TBC1D12: variants seen among roughly 807,000 people sequenced by gnomAD.
The protein encoded by TBC1D12 is TBC1 domain family member 12.
Under a neutral mutation model 86.7 loss-of-function variants are expected in TBC1D12, and 56 were observed. The observed-to-expected ratio is 0.65, with a 90% confidence interval of 0.52 to 0.81. TBC1D12 has a LOEUF of 0.81. Among genes scored for constraint, TBC1D12 ranks in the 30% least tolerant of loss-of-function variants. The pLI, the probability that TBC1D12 is intolerant of heterozygous loss-of-function variation, is 0.00. For synonymous variants in TBC1D12, 421 were observed against 411.7 expected (o/e 1.02, Z -0.27); for missense variants, 1,023 against 1,038.8 (o/e 0.98, Z 0.21).
chr10:94,512,883 C>T (rs376680641), intron 9 of TBC1D12, among the ~76,000 whole-genome samples: 1 of 152,278 alleles, frequency 6.6e-6, no homozygotes, highest in East Asian at 1.9e-4. Context: ...AGTTTTTCAT[C>T]GTAAGTTTAC....
chr10:94,496,915 C>T (rs2056328019), intron 4 of TBC1D12, 140 bp from the exon 5 acceptor site: 1 of 415,380 alleles, frequency 2.4e-6, no homozygotes, highest in Non-Finnish European at 4.3e-6. Context: ...TTTCCCTGTC[C>T]CTCCCTCCCT....
At chr10:94,431,078 C>T (rs1005694250) in intron 1 of TBC1D12, among the ~76,000 whole-genome samples, 2 of 151,968 alleles carry the variant, frequency 1.3e-5, no homozygotes, top group Non-Finnish European at 2.9e-5. Context: ...CACTACCATT[C>T]CCTGTTATGT....
chr10:94,448,356 T>G (rs1192091844), intron 2 of TBC1D12, among the ~76,000 whole-genome samples: 5 of 152,238 alleles, frequency 3.3e-5, no homozygotes, highest in African/African-American at 9.6e-5. Context: ...AAAAGTTTAT[T>G]GGTTTTAATT....
chr10:94,462,203 G>A (rs12416087), intron 2 of TBC1D12, among the ~76,000 whole-genome samples: 2 of 152,150 alleles, frequency 1.3e-5, no homozygotes, highest in African/African-American at 4.8e-5. Context: ...TATTTGTGTA[G>A]AATTGGTGTT....
chr10:94,439,100 C>T (rs537423665), intron 1 of TBC1D12, among the ~76,000 whole-genome samples: 20 of 152,136 alleles, frequency 1.3e-4, no homozygotes, highest in East Asian at 7.8e-4. Context: ...CACCATGCCC[C>T]GCTCCAGTTA....
At chr10:94,471,845 AT>A (rs1271115855) in intron 2 of TBC1D12, among the ~76,000 whole-genome samples, 1 of 152,222 alleles carries the variant, frequency 6.6e-6, no homozygotes, top group Non-Finnish European at 1.5e-5. Flanking sequence ...ATATTTAAAT[AT>A]GTATTAGCTT....
chr10:94,509,684 A>G, intron 7 of TBC1D12: 1 of 177,084 alleles, frequency 5.6e-6, no homozygotes, highest in South Asian at 1.3e-4. Flanking sequence ...TACCCCTAGG[A>G]AGAAAAATGG....
At chr10:94,519,015 C>T (rs868581687) in intron 9 of TBC1D12, among the ~76,000 whole-genome samples, 1 of 152,070 alleles carries the variant, frequency 6.6e-6, no homozygotes, top group Non-Finnish European at 1.5e-5. Flanking sequence ...GGGAAGGTTG[C>T]GGTGAGCCAA....
chr10:94,513,932 T>G (rs998938943), intron 9 of TBC1D12, among the ~76,000 whole-genome samples: 1 of 151,994 alleles, frequency 6.6e-6, no homozygotes, highest in Non-Finnish European at 1.5e-5. Context: ...ATCTGAAATA[T>G]CTGACATTTT....
chr10:94,534,848 C>G lies in TBC1D12; in HGVS notation c.*1752C>G, dbSNP rs1842513909. 6.6e-6 allele frequency: 1 copy of G among 152,148 alleles called. No homozygotes were observed. The highest frequency in any genetic ancestry group is 2.4e-5 in the African/African-American group (1 of 41,418). 9.4% of individuals were successfully genotyped at this position (152,148 alleles called of 1,614,324 possible). On this transcript the variant is annotated 3_prime_UTR_variant, in exon 13 of 13. Transcript: ENST00000225235. ...GGAGGTGGTATGCCTGGCTTAACTG[C>G]TGAAAATAGAGCATTGAAACTCTTC...
At position 94,467,395 on chromosome 10, in the gene TBC1D12, G is replaced by A. The variant is rs531641232; in HGVS notation, c.1096-7273G>A. ...TTACAGGCATGCACCACCACGCCCG[G>A]CTAATTTTTGTATTTTTAGTAGAGA... On this transcript the variant is annotated intron_variant, in intron 2 of 12. Transcript: ENST00000225235. 1.8e-4 allele frequency among the ~76,000 whole-genome samples: 27 copies of A among 152,076 alleles called. No homozygotes were observed. In the East Asian group the frequency reaches 2.7e-3, roughly 15 times the overall value.
intron 1 of TBC1D12, among the ~76,000 whole-genome samples, chr10:94,427,880 C>G (rs1418174230): frequency 6.7e-6 from 1 of 149,574 alleles, no homozygotes; most frequent in Non-Finnish European, 1.5e-5. Context: ...AAGAAGACCT[C>G]TATCAGTAAG....
intron 2 of TBC1D12, among the ~76,000 whole-genome samples, chr10:94,474,348 AAC>A (rs2055954524): frequency 6.6e-6 from 1 of 151,972 alleles, no homozygotes; most frequent in Non-Finnish European, 1.5e-5. Flanking sequence ...CAAAAAAAAA[AAC>A]AACTTTTTTT....
chr10:94,403,346 G>C lies in TBC1D12; in HGVS notation c.733G>C (p.Glu245Gln). The C allele has an allele frequency of 6.6e-7, 1 of 1,523,900 alleles. No individual in the cohort carries two copies. The allele number at this position is 1,523,900 out of a possible 1,614,324, so 94.4% of individuals were successfully genotyped here. The change falls in exon 1 of 13, where the codon GAG becomes CAG. Residue 245 changes from glutamate (E) to glutamine (Q), a missense_variant. This residue lies in a region of TBC1D12 where 628 missense variants were observed against 531.1 expected (regional missense o/e 1.18). Coordinates refer to ENST00000225235, the MANE Select transcript of TBC1D12 (RefSeq NM_015188.2). ...QRGVGAGGPE[E>Q]GAPPATSAER... ...GGGAGTCGGCGCCGGGGGTCCCGAGGAGGGCGCGCCCCCTGCCACCTCGGC... is the reference window on the plus strand; with the variant it reads ...GGGAGTCGGCGCCGGGGGTCCCGAGCAGGGCGCGCCCCCTGCCACCTCGGC...
intron 2 of TBC1D12, among the ~76,000 whole-genome samples, chr10:94,466,166 G>A (rs968231574): frequency 6.6e-6 from 1 of 151,812 alleles, no homozygotes; most frequent in Non-Finnish European, 1.5e-5. Context: ...AGAACCTTAC[G>A]ACAGTGTACT....
At chr10:94,461,128 T>G (rs983467866) in intron 2 of TBC1D12, among the ~76,000 whole-genome samples, 2 of 152,190 alleles carry the variant, frequency 1.3e-5, no homozygotes, top group African/African-American at 4.8e-5. Context: ...GTATGCCATA[T>G]AAGTTTTGCT....
chr10:94,526,685 G>A (rs149381397), intron 11 of TBC1D12, among the ~76,000 whole-genome samples: 6,474 of 152,204 alleles, frequency 0.043, 490 homozygotes, highest in African/African-American at 0.15. Context: ...GAATAGTGCT[G>A]CAGTAAACAT....
Position 94,402,848 on chromosome 10 carries a change from G to A in TBC1D12, c.235G>A (p.Glu79Lys), listed in dbSNP as rs1195165957. 3.9e-6 allele frequency: 6 copies of A among 1,534,164 alleles called. No individual in the cohort carries two copies. The highest frequency in any genetic ancestry group is 2.0e-5 in the Admixed American group (1 of 49,674). The change falls in exon 1 of 13, where the codon GAG (glutamate) becomes AAG (lysine). Residue 79 changes from glutamate (E) to lysine (K), a missense_variant. Glu to Lys is a moderately conservative substitution (Grantham distance 56). This residue lies in a region of TBC1D12 where 628 missense variants were observed against 531.1 expected (regional missense o/e 1.18). Coordinates refer to ENST00000225235, the MANE Select transcript of TBC1D12 (RefSeq NM_015188.2). The part of the protein sequence containing the change: ...LLQRYLAAAG[E>K]QLEPGLCYCP... ...TCAGCGTTACCTCGCGGCGGCCGGG[G>A]AGCAGCTGGAGCCGGGGCTCTGCTA...
intron 11 of TBC1D12, among the ~76,000 whole-genome samples, chr10:94,526,004 A>G (rs1318384880): frequency 1.3e-5 from 2 of 152,176 alleles, no homozygotes; most frequent in East Asian, 3.9e-4. Flanking sequence ...TAGTTACCCT[A>G]CAGTGCTATA....
Sources: gnomAD v4.1 joint callset for allele counts (sites outside exome capture counted in the v4.1 genomes callset) on GRCh38, gnomAD v4.1.1 for gene constraint, gnomAD v4.1.1 regional missense constraint, MANE v1.5 for transcripts, NCBI Gene and HGNC (gene_info 2026-07-23, HGNC 2026-07-21) for gene names.